Variants in FBXL7 observed in about 807,000 individuals in gnomAD.
FBXL7 encodes F-box and leucine rich repeat protein 7.
A neutral mutation model predicts 38.3 loss-of-function variants in FBXL7; 12 were observed. The observed-to-expected ratio is 0.31, with a 90% confidence interval of 0.20 to 0.51. The LOEUF (loss-of-function observed/expected upper bound fraction) is 0.51, where lower values mean the gene tolerates loss of function less well. Among genes scored for constraint, FBXL7 ranks in the 20% least tolerant of loss-of-function variants. The pLI is 0.98. For synonymous variants in FBXL7, 297 were observed against 300.9 expected (o/e 0.99, Z 0.13); for missense variants, 567 against 676.4 (o/e 0.84, Z 1.79).
intron 2 of FBXL7, among the ~76,000 whole-genome samples, chr5:15,918,068 A>G (rs1023197190): frequency 2.0e-5 from 3 of 151,996 alleles, no homozygotes; most frequent in Non-Finnish European, 4.4e-5. Flanking sequence ...GTGAAACCCC[A>G]TCTCTACAAA....
At chr5:15,650,813 A>G (rs1424247356) in intron 2 of FBXL7, among the ~76,000 whole-genome samples, 2 of 152,166 alleles carry the variant, frequency 1.3e-5, no homozygotes, top group Admixed American at 6.5e-5. Flanking sequence ...GATTGCAGCA[A>G]TTCAGTCAAA....
At chr5:15,669,301 T>C (rs1472571421) in intron 2 of FBXL7, among the ~76,000 whole-genome samples, 1 of 152,202 alleles carries the variant, frequency 6.6e-6, no homozygotes, top group African/African-American at 2.4e-5. Context: ...CTCGGTGAGT[T>C]TGAAGATAAG....
intron 2 of FBXL7, among the ~76,000 whole-genome samples, chr5:15,914,580 G>A (rs1741532846): frequency 6.6e-6 from 1 of 152,114 alleles, no homozygotes; most frequent in East Asian, 1.9e-4. Context: ...CTAAGTGTAT[G>A]TACTAGCTAA....
chr5:15,861,901 T>C (rs188519339), intron 2 of FBXL7, among the ~76,000 whole-genome samples: 1 of 152,332 alleles, frequency 6.6e-6, no homozygotes, highest in Admixed American at 6.5e-5. Flanking sequence ...TACAAATACA[T>C]ATTTTAATAT....
At chr5:15,775,646 C>A (rs751346633) in intron 2 of FBXL7, among the ~76,000 whole-genome samples, 8 of 152,110 alleles carry the variant, frequency 5.3e-5, no homozygotes, top group Non-Finnish European at 1.2e-4. Context: ...CTACAGATTT[C>A]ACCAAAACCA....
intron 1 of FBXL7, among the ~76,000 whole-genome samples, chr5:15,591,460 C>T (rs887895763): frequency 2.6e-5 from 4 of 151,440 alleles, no homozygotes; most frequent in Non-Finnish European, 4.4e-5. Context: ...AGAATTTTAC[C>T]ATGGGGCTAG....
At chr5:15,926,730 A>C (rs1179959228) in intron 2 of FBXL7, among the ~76,000 whole-genome samples, 1 of 152,108 alleles carries the variant, frequency 6.6e-6, no homozygotes, top group Non-Finnish European at 1.5e-5. Flanking sequence ...GTTGTTAATA[A>C]GAAGAAAAAA....
intron 2 of FBXL7, among the ~76,000 whole-genome samples, chr5:15,749,869 C>CA (rs35404916): frequency 9.9e-5 from 15 of 152,092 alleles, no homozygotes; most frequent in African/African-American, 2.9e-4. Context: ...ACTCTGCCTA[C>CA]AAAAAAAATC....
chr5:15,632,168 T>C (rs1741019997), intron 2 of FBXL7, among the ~76,000 whole-genome samples: 1 of 152,216 alleles, frequency 6.6e-6, no homozygotes, highest in African/African-American at 2.4e-5. Context: ...TGTGTATTGT[T>C]AATCATCAAA....
chr5:15,883,454 G>A (rs1381067184), intron 2 of FBXL7, among the ~76,000 whole-genome samples: 3 of 152,254 alleles, frequency 2.0e-5, no homozygotes, highest in Admixed American at 6.5e-5. Context: ...TTTCCCACAT[G>A]TTGGTTTCTC....
At chr5:15,842,672 G>A (rs536116707) in intron 2 of FBXL7, among the ~76,000 whole-genome samples, 1 of 152,236 alleles carries the variant, frequency 6.6e-6, no homozygotes, top group South Asian at 2.1e-4. Context: ...GAATCATGGA[G>A]GCAGTTTCCT....
chr5:15,521,970 A>G (rs545178317), intron 1 of FBXL7, among the ~76,000 whole-genome samples: 15 of 152,362 alleles, frequency 9.8e-5, no homozygotes, highest in Non-Finnish European at 2.1e-4. Flanking sequence ...CATTGCTGTT[A>G]TATTTCATCC....
At chr5:15,633,183 T>G (rs1741058206) in intron 2 of FBXL7, among the ~76,000 whole-genome samples, 1 of 152,202 alleles carries the variant, frequency 6.6e-6, no homozygotes, top group South Asian at 2.1e-4. Flanking sequence ...GTTATAATCC[T>G]ATGAGTGTTA....
chr5:15,875,074 C>T (rs549681368), intron 2 of FBXL7, among the ~76,000 whole-genome samples: 7 of 152,040 alleles, frequency 4.6e-5, no homozygotes, highest in African/African-American at 1.7e-4. Context: ...ATATATAGAC[C>T]AATGGAACAG....
chr5:15,570,688 A>T (rs1232002478), intron 1 of FBXL7, among the ~76,000 whole-genome samples: 1 of 152,212 alleles, frequency 6.6e-6, no homozygotes, highest in Non-Finnish European at 1.5e-5. Flanking sequence ...AGTACCTTCC[A>T]GGGTGGTTTC....
intron 2 of FBXL7, among the ~76,000 whole-genome samples, chr5:15,838,384 T>C (rs1276069732): frequency 6.6e-6 from 1 of 152,134 alleles, no homozygotes; most frequent in East Asian, 1.9e-4. Flanking sequence ...GCGAGGGGTC[T>C]CTTTTATAAG....
chr5:15,767,911 A>T lies in FBXL7; in HGVS notation c.127+151839A>T, dbSNP rs201523203. On this transcript the variant is annotated intron_variant, in intron 2 of 3. Transcript: ENST00000504595. ...TGTGCATTATGGTAAGAAATTTCTTAATAATCACACATTTTTAATACTTTT... is the reference window on the plus strand; with the variant it reads ...TGTGCATTATGGTAAGAAATTTCTTTATAATCACACATTTTTAATACTTTT... Among the ~76,000 whole-genome samples the T allele has an allele frequency of 8.5e-5, 13 of 152,322 alleles. No individual in the cohort carries two copies. The East Asian group carries it at 2.3e-3, about 27-fold the overall frequency.
At chr5:15,700,854 T>A (rs1055086166) in intron 2 of FBXL7, among the ~76,000 whole-genome samples, 2 of 152,216 alleles carry the variant, frequency 1.3e-5, no homozygotes, top group Admixed American at 1.3e-4. Flanking sequence ...TAGTTTGCCA[T>A]ATGCTCTGCA....
chr5:15,928,030 T>TGGGGGGGGGGGGGGGGGGGGGGGGGGGG lies in FBXL7; in HGVS notation c.268_269insGGGGGGGGGGGGGGGGGGGGGGGGGGGG (p.Ser90TrpfsTer152). On this transcript the variant is annotated frameshift_variant, in exon 3 of 4. Coordinates refer to ENST00000504595, the MANE Select transcript of FBXL7 (RefSeq NM_012304.5). LOFTEE classifies it high-confidence loss of function. The surrounding 1 kb of genome is among the most constrained non-coding windows in gnomAD (Gnocchi z 4.0). ...CGGGGAGACGGTGGCCATGGTGCAC[T>TGGGGGGGGGGGGGGGGGGGGGGGGGGGG]CCCCGCCCCCGACCCGCCTCACACA... 1.4e-6 allele frequency: 1 copy of TGGGGGGGGGGGGGGGGGGGGGGGGGGGG among 697,940 alleles called. No individual in the cohort carries two copies. The highest frequency in any genetic ancestry group is 2.0e-5 in the Admixed American group (1 of 49,556). The allele number at this position is 697,940 out of a possible 1,614,324, so 43.2% of individuals were successfully genotyped here.
Sources: allele counts gnomAD v4.1 joint callset (sites outside exome capture counted in the v4.1 genomes callset), GRCh38; gene constraint gnomAD v4.1.1; non-coding constraint Gnocchi (gnomAD v3.1); transcripts MANE v1.5; gene names NCBI Gene and HGNC (gene_info 2026-07-23, HGNC 2026-07-21).